DIP2C: variants seen among roughly 807,000 people sequenced by gnomAD.
DIP2C encodes the protein DIP2 acetate--CoA ligase C (putative).
Under a neutral mutation model 192.4 loss-of-function variants are expected in DIP2C, and 33 were observed. The observed-to-expected ratio is 0.17, with a 90% CI of 0.13 to 0.23. The LOEUF (loss-of-function observed/expected upper bound fraction) is 0.23. Among genes scored for constraint, DIP2C ranks in the 10% least tolerant of loss-of-function variants. DIP2C has a pLI of 1.00. For synonymous variants in DIP2C, 979 were observed against 864.1 expected, an observed-to-expected ratio of 1.13 and a Z score of -2.33; for missense variants, 1,537 against 2,110.1, an observed-to-expected ratio of 0.73 and a Z score of 5.32.
intron 1 of DIP2C, among the ~76,000 whole-genome samples, chr10:562,534 T>G (rs1849277937): frequency 6.6e-6 from 1 of 152,232 alleles, no homozygotes; most frequent in African/African-American, 2.4e-5. Context: ...GTACATTCAC[T>G]CTCATTCTTT....
chr10:414,190 C>A (rs945479115), intron 7 of DIP2C, 80 bp from the exon 8 acceptor site: 4 of 1,458,054 alleles, frequency 2.7e-6, no homozygotes, highest in Non-Finnish European at 3.7e-6. Context: ...TATAAAGAAG[C>A]CAAGAGATTT....
At chr10:604,876 C>A (rs1387134471) in intron 1 of DIP2C, among the ~76,000 whole-genome samples, 1 of 152,206 alleles carries the variant, frequency 6.6e-6, no homozygotes, top group East Asian at 1.9e-4. Flanking sequence ...TCCACTCTGA[C>A]CTCGGCTGGG....
chr10:599,779 A>G (rs1366578230), intron 1 of DIP2C, among the ~76,000 whole-genome samples: 1 of 152,212 alleles, frequency 6.6e-6, no homozygotes, highest in African/African-American at 2.4e-5. Context: ...TGCGGTTGTC[A>G]TCCTGCTTTT....
At chr10:533,055 C>A (rs816639) in intron 1 of DIP2C, among the ~76,000 whole-genome samples, 151,051 of 152,242 alleles carry the variant, frequency 0.99, 74,942 homozygotes, top group East Asian at 1. Flanking sequence ...ACTGAGTTTC[C>A]CACATAAACC....
intron 1 of DIP2C, among the ~76,000 whole-genome samples, chr10:511,538 A>G (rs1846011989): frequency 6.6e-6 from 1 of 152,184 alleles, no homozygotes; most frequent in Non-Finnish European, 1.5e-5. Flanking sequence ...ACTTCTTAAA[A>G]AATAACACGT....
chr10:532,619 G>C (rs1847449250), intron 1 of DIP2C, among the ~76,000 whole-genome samples: 1 of 132,540 alleles, frequency 7.5e-6, no homozygotes, highest in African/African-American at 3.1e-5. Context: ...GGGTGTGAGA[G>C]AGAGTATGGG....
intron 29 of DIP2C, among the ~76,000 whole-genome samples, chr10:337,379 CTG>C (rs978000431): frequency 1.9e-5 from 2 of 105,516 alleles, no homozygotes; most frequent in South Asian, 3.3e-4. Flanking sequence ...GCCTAGGCAG[CTG>C]TGTGTGTGTC....
intron 1 of DIP2C, among the ~76,000 whole-genome samples, chr10:535,316 G>A (rs1018110113): frequency 6.6e-6 from 1 of 151,782 alleles, no homozygotes; most frequent in African/African-American, 2.4e-5. Flanking sequence ...AGGCGAGAGG[G>A]GCGCTGTGGA....
In DIP2C at chr10:510,318, CT is replaced by C. The variant is rs1487445954; in HGVS notation, c.86-23789del. On this transcript the variant is annotated intron_variant, in intron 1 of 36. Transcript: ENST00000280886. ...ACACACCTTGCCGTCTCCAAGACCC[CT>C]GCTCTGTGTCCTAGGGTCTCAGGGG... Among the ~76,000 whole-genome samples, 3 of 152,244 alleles carry C rather than the reference CT, an allele frequency of 2.0e-5. No homozygotes were observed. The East Asian group carries it at 5.8e-4, about 29-fold the overall frequency.
intron 2 of DIP2C, among the ~76,000 whole-genome samples, chr10:476,139 T>A (rs984226121): frequency 3.3e-5 from 5 of 151,950 alleles, no homozygotes; most frequent in African/African-American, 1.2e-4. Context: ...GAAGGAGGTA[T>A]CCCCAGGGAG....
chr10:568,200 G>T (rs1191031482), intron 1 of DIP2C, among the ~76,000 whole-genome samples: 1 of 152,144 alleles, frequency 6.6e-6, no homozygotes, highest in Non-Finnish European at 1.5e-5. Flanking sequence ...GGAGGCTCCA[G>T]GGGTAGCGAG....
At chr10:433,384 T>C (rs979125723) in intron 4 of DIP2C, among the ~76,000 whole-genome samples, 3 of 152,150 alleles carry the variant, frequency 2.0e-5, no homozygotes, top group African/African-American at 4.8e-5. Context: ...TTCCATTTTT[T>C]AAAATTAGTG....
At chr10:604,899 T>A (rs1271572692) in intron 1 of DIP2C, among the ~76,000 whole-genome samples, 1 of 152,224 alleles carries the variant, frequency 6.6e-6, no homozygotes, top group East Asian at 1.9e-4. Context: ...CCCGAGTTTC[T>A]GTCAGAAGTG....
chr10:274,597 CTG>C lies in DIP2C; in HGVS notation c.*2726_*2727del, dbSNP rs1221811009. On this transcript the variant is annotated 3_prime_UTR_variant, in exon 37 of 37. Coordinates refer to ENST00000280886, the MANE Select transcript of DIP2C (RefSeq NM_014974.3). ...TTGCACATAAAAATTTTGTTTGAAA[CTG>C]TGGCTGGTTGAGTACATGAGTTTCT... 2 of 152,332 alleles carry C rather than the reference CTG, an allele frequency of 1.3e-5. No homozygotes were observed. The highest frequency in any genetic ancestry group is 4.8e-5 in the African/African-American group (2 of 41,576). 9.4% of individuals were successfully genotyped at this position (152,332 alleles called of 1,614,324 possible).
chr10:339,026 C>A (rs1016064878), intron 29 of DIP2C, among the ~76,000 whole-genome samples: 68 of 152,138 alleles, frequency 4.5e-4, no homozygotes, highest in Middle Eastern at 3.4e-3. Context: ...GGCTTGGGCA[C>A]CCTGCGCGGC....
chr10:619,390 C>T (rs1330716810), intron 1 of DIP2C, among the ~76,000 whole-genome samples: 2 of 152,200 alleles, frequency 1.3e-5, no homozygotes, highest in Non-Finnish European at 2.9e-5. Context: ...TCCTTGCCTC[C>T]CTCAGCCTCT....
intron 35 of DIP2C, among the ~76,000 whole-genome samples, chr10:282,856 A>G (rs921598508): frequency 6.6e-6 from 1 of 152,206 alleles, no homozygotes; most frequent in African/African-American, 2.4e-5. Flanking sequence ...CCAGTCCTAG[A>G]AGCAGCAGCA....
rs1564681808 is a variant in DIP2C, at chr10:415,900, G to T, written c.740-12C>A. 1 of 1,613,574 alleles carries T rather than the reference G, an allele frequency of 6.2e-7. No homozygotes were observed. Among genetic ancestry groups the T allele is most frequent in the Non-Finnish European group, 8.5e-7 (1 of 1,179,896 alleles). On this transcript the variant is annotated splice_polypyrimidine_tract_variant and intron_variant, in intron 6 of 36. Coordinates refer to ENST00000280886, the MANE Select transcript of DIP2C (RefSeq NM_014974.3). ...ACTTACTGGTACTCCTGAAAAACAG[G>T]AATCAGCGGGTGGGGAAAGCGATCA... is the stretch of plus-strand genomic sequence containing the variant.
intron 34 of DIP2C, among the ~76,000 whole-genome samples, chr10:283,955 C>T (rs1047276987): frequency 7.9e-5 from 12 of 152,134 alleles, no homozygotes; most frequent in Admixed American, 6.5e-5. Context: ...ACGAAAATGC[C>T]TGATGTCTGA....
Sources: gnomAD v4.1 joint callset for allele counts (sites outside exome capture counted in the v4.1 genomes callset) on GRCh38, gnomAD v4.1.1 for gene constraint, MANE v1.5 for transcripts, NCBI Gene and HGNC (gene_info 2026-07-23, HGNC 2026-07-21) for gene names.